Variants in PODXL observed in about 807,000 individuals in gnomAD.
The protein encoded by PODXL is podocalyxin like.
Under a neutral mutation model 48.9 loss-of-function variants are expected in PODXL, and 20 were observed. The observed-to-expected ratio is 0.41, with a 90% CI of 0.29 to 0.59. The LOEUF (loss-of-function observed/expected upper bound fraction) is 0.59. PODXL is among the 20% of genes least tolerant of loss of function. The pLI is 0.31. For synonymous variants in PODXL, 295 were observed against 287.4 expected, an observed-to-expected ratio of 1.03 and a Z score of -0.27; for missense variants, 606 against 675.1, an observed-to-expected ratio of 0.90 and a Z score of 1.13.
chr7:131,519,130 T>C (rs969466086), intron 1 of PODXL, among the ~76,000 whole-genome samples: 1 of 152,174 alleles, frequency 6.6e-6, no homozygotes, highest in African/African-American at 2.4e-5. Context: ...GACCAGGAAA[T>C]GTATTCTTTA....
chr7:131,520,248 A>G, intron 1 of PODXL: 1 of 462,464 alleles, frequency 2.2e-6, no homozygotes, highest in Non-Finnish European at 4.2e-6. Flanking sequence ...GTGGGCTTCA[A>G]GCAGCATGCC....
chr7:131,529,134 T>G (rs143316803), intron 1 of PODXL, among the ~76,000 whole-genome samples: 1 of 152,090 alleles, frequency 6.6e-6, no homozygotes, highest in East Asian at 1.9e-4. Flanking sequence ...TTTACCCAAG[T>G]GAGTACTGGA....
intron 1 of PODXL, among the ~76,000 whole-genome samples, chr7:131,534,422 G>A (rs565786755): frequency 2.0e-5 from 3 of 152,316 alleles, no homozygotes; most frequent in Admixed American, 1.3e-4. Flanking sequence ...TAATGACCCC[G>A]CACCCCATCC....
chr7:131,553,549 C>T (rs1212426661), intron 1 of PODXL, among the ~76,000 whole-genome samples: 3 of 152,210 alleles, frequency 2.0e-5, no homozygotes, highest in Middle Eastern at 3.2e-3. Flanking sequence ...TATATATACT[C>T]GCTCATCTTC....
At position 131,510,791 on chromosome 7, in the gene PODXL, G is replaced by A. The variant is rs771588833; in HGVS notation, c.706+37C>T. 19 of 1,613,568 alleles carry A rather than the reference G, an allele frequency of 1.2e-5. No homozygotes were observed. The East Asian group carries it at 4.0e-4, about 34-fold the overall frequency. ...GAGCCATCACGCCTGGCCCTGAAAA[G>A]TTTCTTGGTGCTTGAAGAAAACCAG... On this transcript the variant is annotated intron_variant, in intron 2 of 8. Transcript: ENST00000378555.
In PODXL at chr7:131,506,672, C is replaced by T; in HGVS notation, c.1156G>A (p.Ala386Thr). 6.2e-7 allele frequency: 1 copy of T among 1,614,198 alleles called. No individual in the cohort carries two copies. Among genetic ancestry groups the T allele is most frequent in the Non-Finnish European group, 8.5e-7 (1 of 1,180,020 alleles). The stretch of plus-strand genomic sequence containing the variant: ...TTATCTTGGGCCGGGTTGAAGGTGG[C>T]TTTGACTGCTCGGCATATCAGTGAG... ...LISLICRAVK[A>T]TFNPAQDKCG... The change falls in exon 6 of 9, where the codon GCC (alanine) becomes ACC (threonine). Residue 386 changes from alanine to threonine, a missense_variant. Physicochemically the swap from Ala to Thr is moderately conservative, Grantham distance 58 (BLOSUM62 0). Coordinates refer to ENST00000378555, the MANE Select transcript of PODXL (RefSeq NM_001018111.3).
At chr7:131,519,374 A>G (rs568890912) in intron 1 of PODXL, among the ~76,000 whole-genome samples, 23 of 152,160 alleles carry the variant, frequency 1.5e-4, no homozygotes, top group African/African-American at 5.3e-4. Flanking sequence ...CCGCGCTCCA[A>G]TTTCCATTGT....
chr7:131,535,540 C>T (rs747995367), intron 1 of PODXL, among the ~76,000 whole-genome samples: 6 of 152,164 alleles, frequency 3.9e-5, no homozygotes, highest in Non-Finnish European at 7.3e-5. Context: ...CACACTTTTT[C>T]CATAAAAGAC....
intron 1 of PODXL, among the ~76,000 whole-genome samples, chr7:131,527,426 A>G (rs1016562839): frequency 6.6e-6 from 1 of 152,256 alleles, no homozygotes; most frequent in Non-Finnish European, 1.5e-5. Flanking sequence ...AGGATTTAAC[A>G]GTAAGTTTAG....
chr7:131,528,659 T>C (rs1798225448), intron 1 of PODXL, among the ~76,000 whole-genome samples: 1 of 152,224 alleles, frequency 6.6e-6, no homozygotes, highest in Non-Finnish European at 1.5e-5. Flanking sequence ...CATGGCATCA[T>C]GAATTTAAAG....
At chr7:131,510,797 T>C in intron 2 of PODXL, 31 bp downstream of exon 2, 1 of 1,613,730 alleles carries the variant, frequency 6.2e-7, no homozygotes, top group Non-Finnish European at 8.5e-7. Context: ...AAAAGTTTCT[T>C]GGTGCTTGAA....
At chr7:131,532,031 AC>A (rs1213595412) in intron 1 of PODXL, among the ~76,000 whole-genome samples, 1 of 151,538 alleles carries the variant, frequency 6.6e-6, no homozygotes, top group Non-Finnish European at 1.5e-5. Context: ...AATAGCTTGA[AC>A]CCAGGTTGCA....
intron 1 of PODXL, among the ~76,000 whole-genome samples, chr7:131,555,145 C>G (rs2116878595): frequency 6.6e-6 from 1 of 152,272 alleles, no homozygotes; most frequent in South Asian, 2.1e-4. Context: ...TCCCCTGGCC[C>G]CTTAGAGTCC....
At chr7:131,509,201 G>A (rs1411962381) in intron 4 of PODXL, 164 bp downstream of exon 4, 4 of 816,392 alleles carry the variant, frequency 4.9e-6, no homozygotes, top group Non-Finnish European at 8.2e-6. Flanking sequence ...GGCAGCTCAA[G>A]CCAGGACCAG....
At position 131,507,399 on chromosome 7, in the gene PODXL, G is replaced by C. The variant is rs139756311; in HGVS notation, c.1102-673C>G. Among the ~76,000 whole-genome samples, 16 of 152,300 alleles carry C rather than the reference G, an allele frequency of 1.1e-4. 1 individual carries two copies. In the East Asian group the frequency reaches 3.1e-3, roughly 29 times the overall value. ...TCTAAGAACAAAGATTGTGGCTGAC[G>C]TGGCTTTAGAGCTGAGGATGAGGGG... On this transcript the variant is annotated intron_variant, in intron 5 of 8. Transcript: ENST00000378555.
At chr7:131,555,802 T>C (rs2116879649) in intron 1 of PODXL, among the ~76,000 whole-genome samples, 1 of 152,360 alleles carries the variant, frequency 6.6e-6, no homozygotes, top group Middle Eastern at 3.4e-3. Flanking sequence ...GCTTGTCACC[T>C]GCTTCAGGGA....
chr7:131,549,507 C>T (rs2116868950), intron 1 of PODXL, among the ~76,000 whole-genome samples: 1 of 152,318 alleles, frequency 6.6e-6, no homozygotes, highest in South Asian at 2.1e-4. Context: ...TGGCTTCAGC[C>T]TCACACACAG....
chr7:131,537,588 G>GC (rs1562915018), intron 1 of PODXL, among the ~76,000 whole-genome samples: 5 of 132,804 alleles, frequency 3.8e-5, no homozygotes, highest in African/African-American at 5.7e-5. Flanking sequence ...GCAAGACTCC[G>GC]CCCCACCCCA....
At chr7:131,513,230 C>T (rs957667102) in intron 1 of PODXL, among the ~76,000 whole-genome samples, 1 of 152,082 alleles carries the variant, frequency 6.6e-6, no homozygotes, top group Non-Finnish European at 1.5e-5. Flanking sequence ...AGTTAGGAGG[C>T]AATCACAGTA....
Sources: gnomAD v4.1 joint callset for allele counts (sites outside exome capture counted in the v4.1 genomes callset) on GRCh38, gnomAD v4.1.1 for gene constraint, MANE v1.5 for transcripts, NCBI Gene and HGNC (gene_info 2026-07-23, HGNC 2026-07-21) for gene names.